CCDC30: variants seen among roughly 807,000 people sequenced by gnomAD.
The protein encoded by CCDC30 is coiled-coil domain containing 30.
In CCDC30, 70 loss-of-function variants were observed where a neutral mutation model predicts 100.2. The observed-to-expected ratio is 0.70, with a 90% CI of 0.58 to 0.85. The LOEUF is 0.85. Among genes scored for constraint, CCDC30 ranks in the 40% least tolerant of loss-of-function variants. The pLI is 0.00. For missense variants in CCDC30, 652 were observed against 771.2 expected (o/e 0.85, Z 1.83); for synonymous variants, 233 against 269.5 (o/e 0.86, Z 1.33).
At chr1:42,565,020 G>T (rs1645576735) in intron 6 of CCDC30, among the ~76,000 whole-genome samples, 2 of 152,146 alleles carry the variant, frequency 1.3e-5, no homozygotes, top group African/African-American at 4.8e-5. Flanking sequence ...CAGGATTTCT[G>T]TCTTTTTAAA....
exon 6 of CCDC30, chr1:42,498,852 A>G: frequency 8.1e-7 from 1 of 1,233,620 alleles, no homozygotes; most frequent in African/African-American, 1.5e-5. Context: ...TGTGAATCTC[A>G]AGAGAATAAG....
chr1:42,544,181 C>G (rs1645074654), intron 6 of CCDC30, among the ~76,000 whole-genome samples: 1 of 152,176 alleles, frequency 6.6e-6, no homozygotes, highest in African/African-American at 2.4e-5. Flanking sequence ...GCATGAGCCA[C>G]TGCGCCTAGC....
intron 6 of CCDC30, among the ~76,000 whole-genome samples, chr1:42,558,622 T>C (rs915356676): frequency 1.3e-5 from 2 of 152,118 alleles, no homozygotes; most frequent in Non-Finnish European, 2.9e-5. Flanking sequence ...GATTCAGGAT[T>C]GAAACACAGG....
Position 42,498,795 on chromosome 1 carries a change from A to C in CCDC30, c.358-23A>C, listed in dbSNP as rs1289752821. The C allele has an allele frequency of 4.4e-6, 5 of 1,138,714 alleles. No homozygotes were observed. The African/African-American group carries it at 4.8e-5, about 11-fold the overall frequency. The allele number at this position is 1,138,714 out of a possible 1,614,324, so 70.5% of individuals were successfully genotyped here. On this transcript the variant is annotated intron_variant, in intron 5 of 16. Transcript: ENST00000668663. Reference sequence around the variant, plus strand: ...CCAAACAAAAATTGAGAAGTCTACAAGGTGTTTACTTTTGTATTTAAGGTT... The same window carrying C: ...CCAAACAAAAATTGAGAAGTCTACACGGTGTTTACTTTTGTATTTAAGGTT...
intron 3 of CCDC30, 95 bp downstream of exon 3, chr1:42,482,911 A>T (rs1389546052): frequency 2.3e-6 from 2 of 856,982 alleles, no homozygotes; most frequent in Non-Finnish European, 3.1e-6. Flanking sequence ...AAACACTGAG[A>T]AACAAGTCTT....
chr1:42,505,630 G>T (rs181567621), intron 6 of CCDC30, among the ~76,000 whole-genome samples: 1 of 152,290 alleles, frequency 6.6e-6, no homozygotes, highest in African/African-American at 2.4e-5. Flanking sequence ...CTTTTGGATT[G>T]GATTTGATGA....
intron 4 of CCDC30, among the ~76,000 whole-genome samples, chr1:42,495,651 C>G (rs1332491543): frequency 6.6e-6 from 1 of 151,916 alleles, no homozygotes; most frequent in East Asian, 1.9e-4. Flanking sequence ...GATTGCACCA[C>G]TGCACTCCAG....
intron 7 of CCDC30, among the ~76,000 whole-genome samples, chr1:42,570,284 C>G (rs1179837974): frequency 6.6e-6 from 1 of 151,472 alleles, no homozygotes; most frequent in Non-Finnish European, 1.5e-5. Flanking sequence ...TATGATCACA[C>G]CACTGCACTC....
the CCDC30 span, chr1:42,457,177 C>T: frequency 6.2e-7 from 1 of 1,604,210 alleles, no homozygotes; most frequent in Non-Finnish European, 8.5e-7. Context: ...CTGGGGAACC[C>T]GAGTTGAGAA....
Position 42,533,549 on chromosome 1 carries a change from T to C in CCDC30, c.457-32747T>C, listed in dbSNP as rs182942127. 5.2e-4 allele frequency among the ~76,000 whole-genome samples: 79 copies of C among 152,352 alleles called. 1 individual carries two copies. Among genetic ancestry groups the C allele is most frequent in the Admixed American group, 8.5e-4 (13 of 15,306 alleles). ...TTATCTGGCCCCAGGGCTCATTTTC[T>C]ACACCATAACAACTCTTGGGGCAAC... On this transcript the variant is annotated intron_variant, in intron 6 of 16. Coordinates refer to ENST00000668663, the Ensembl canonical transcript of CCDC30.
chr1:42,514,648 T>A (rs1644527817), intron 6 of CCDC30, among the ~76,000 whole-genome samples: 1 of 152,234 alleles, frequency 6.6e-6, no homozygotes, highest in South Asian at 2.1e-4. Context: ...GTCTCTTATG[T>A]GTTTTGTTTT....
chr1:42,510,183 A>G (rs1324639634), intron 6 of CCDC30: 1 of 849,058 alleles, frequency 1.2e-6, no homozygotes, highest in Non-Finnish European at 1.4e-6. Flanking sequence ...CCAATTGGGA[A>G]TGATGATTCC....
At chr1:42,644,832 C>G (rs1301058718) in intron 14 of CCDC30, 25 bp downstream of exon 18, 1 of 1,450,692 alleles carries the variant, frequency 6.9e-7, no homozygotes, top group East Asian at 2.3e-5. Flanking sequence ...TCCTATTGGG[C>G]CTGCCTTTAA....
intron 10 of CCDC30, among the ~76,000 whole-genome samples, chr1:42,597,301 C>G (rs1005152942): frequency 3.9e-5 from 6 of 152,020 alleles, no homozygotes; most frequent in African/African-American, 1.4e-4. Context: ...GACACCAAAC[C>G]AGAGATCCAG....
At chr1:42,463,344 G>A (rs1390645122) in exon 1 of CCDC30, 1 of 152,254 alleles carries the variant, frequency 6.6e-6, no homozygotes, top group African/African-American at 2.4e-5. Context: ...CGTAGGGGCC[G>A]AGCGACCCCG....
At position 42,581,345 on chromosome 1, in the gene CCDC30, G is replaced by A; in HGVS notation, c.847-15G>A. The A allele has an allele frequency of 6.3e-7, 1 of 1,587,558 alleles. No individual in the cohort carries two copies. The highest frequency in any genetic ancestry group is 8.5e-7 in the Non-Finnish European group (1 of 1,170,794). On this transcript the variant is annotated splice_polypyrimidine_tract_variant and intron_variant, in intron 8 of 16. Transcript: ENST00000668663. ...TCTTCTTAATGCTTTACTTGTAAAT[G>A]TTTTTTCATTCAAGATTTTGGACCT...
intron 11 of CCDC30, among the ~76,000 whole-genome samples, chr1:42,635,116 C>G (rs369047585): frequency 6.6e-6 from 1 of 152,142 alleles, no homozygotes; most frequent in East Asian, 1.9e-4. Flanking sequence ...AGTGCAGGGG[C>G]GCAATCTTGG....
chr1:42,554,043 ATGTT>A (rs1236251116), intron 6 of CCDC30, among the ~76,000 whole-genome samples: 3 of 152,076 alleles, frequency 2.0e-5, no homozygotes, highest in Non-Finnish European at 4.4e-5. Context: ...TAATACATAC[ATGTT>A]TATTTGTTTT....
At chr1:42,589,239 C>CT in intron 9 of CCDC30, 82 bp from the exon 14 acceptor site, 1 of 1,132,404 alleles carries the variant, frequency 8.8e-7, no homozygotes, top group Non-Finnish European at 1.2e-6. Flanking sequence ...AAAAAAAAAT[C>CT]CCTTGTGATG....
Sources: allele counts gnomAD v4.1 joint callset (sites outside exome capture counted in the v4.1 genomes callset), GRCh38; gene constraint gnomAD v4.1.1; transcripts MANE v1.5; gene names NCBI Gene and HGNC (gene_info 2026-07-23, HGNC 2026-07-21).